TBC1D10C: variants seen among roughly 807,000 people sequenced by gnomAD.
TBC1D10C encodes TBC1 domain family member 10C.
TBC1D10C carries 49 observed loss-of-function variants against 51.0 expected under a neutral mutation model. The ratio of observed to expected loss-of-function variants is 0.96; its 90% CI spans 0.76 to 1.22. The LOEUF (loss-of-function observed/expected upper bound fraction) is 1.22. Ranked by LOEUF, TBC1D10C falls within the 50% of genes most tolerant of loss-of-function variation. TBC1D10C has a pLI of 0.00. For missense variants in TBC1D10C, 541 were observed against 617.5 expected, an observed-to-expected ratio of 0.88 and a Z score of 1.31; for synonymous variants, 281 against 266.7, an observed-to-expected ratio of 1.05 and a Z score of -0.52.
At chr11:67,405,237 C>T (rs1863100004) in intron 2 of TBC1D10C, 53 bp downstream of exon 2, 6 of 1,532,464 alleles carry the variant, frequency 3.9e-6, no homozygotes, top group Non-Finnish European at 5.3e-6. Context: ...CTCTCTGCCT[C>T]AGCCCACATC....
intron 7 of TBC1D10C, 194 bp from the exon 8 acceptor site, chr11:67,408,785 T>C: frequency 1.7e-6 from 1 of 599,868 alleles, no homozygotes; most frequent in Non-Finnish European, 2.6e-6. Flanking sequence ...AAAGCATCTG[T>C]GGCTCTTGAG....
intron 7 of TBC1D10C, chr11:67,407,664 T>A (rs1270005175): frequency 6.6e-6 from 1 of 152,188 alleles, no homozygotes; most frequent in Non-Finnish European, 1.5e-5. Flanking sequence ...GCCAGAGAGG[T>A]GGAGGCTGGG....
rs143823365 is a variant in TBC1D10C, at chr11:67,408,549, C to T, written c.839-430C>T. 64 of 159,882 alleles carry T rather than the reference C, an allele frequency of 4.0e-4. 1 individual carries two copies. In the East Asian group the frequency reaches 7.7e-3, roughly 19 times the overall value. The allele number at this position is 159,882 out of a possible 1,614,324, so 9.9% of individuals were successfully genotyped here. On this transcript the variant is annotated intron_variant, in intron 7 of 8. Coordinates refer to ENST00000542590, the MANE Select transcript of TBC1D10C (RefSeq NM_001369496.1). ...GCCTGGTGGCACATCACCTGTCACC[C>T]GGATGCTGCCTGGGGTAGGAGCTGG...
rs749883666 is a variant in TBC1D10C, at chr11:67,405,492, C to A, written c.346C>A (p.Pro116Thr). 2.5e-6 allele frequency: 4 copies of A among 1,613,362 alleles called. No homozygotes were observed. The South Asian group carries it at 4.4e-5, about 18-fold the overall frequency. Residue 116 changes from proline (P) to threonine (T), a missense_variant, in exon 3 of 9, where the codon CCT becomes ACT. By Grantham distance (38) the Pro-to-Thr change is conservative (BLOSUM62 -1). Transcript: ENST00000542590. ...CGAHVCQKNS[P>T]GTYQELAEAP... ...GGCCCATGTGTGCCAGAAGAACAGCCCTGGCACCTATCAGGTGAGGGAGTG... is the reference window on the plus strand; with the variant it reads ...GGCCCATGTGTGCCAGAAGAACAGCACTGGCACCTATCAGGTGAGGGAGTG...
chr11:67,405,547 C>T lies in TBC1D10C; in HGVS notation c.360+41C>T, dbSNP rs780193349. 8.1e-6 allele frequency: 13 copies of T among 1,613,338 alleles called. No individual in the cohort carries two copies. The South Asian group carries it at 1.4e-4, about 18-fold the overall frequency. On this transcript the variant is annotated intron_variant, in intron 3 of 8. Coordinates refer to ENST00000542590, the MANE Select transcript of TBC1D10C (RefSeq NM_001369496.1). Reference sequence around the variant, plus strand: ...GGGGCCCCAATTCCCCTACCCAGAGCCCCTCACCACACTGAACCCTCACAC... The same window carrying T: ...GGGGCCCCAATTCCCCTACCCAGAGTCCCTCACCACACTGAACCCTCACAC...
chr11:67,406,313 C>A, intron 5 of TBC1D10C: 1 of 513,474 alleles, frequency 1.9e-6, no homozygotes, highest in Non-Finnish European at 3.4e-6. Flanking sequence ...CCCCAAAGAC[C>A]CAGAAACCCA....
chr11:67,405,044 C>G (rs1212517831), intron 1 of TBC1D10C, 41 bp from the exon 2 acceptor site: 1 of 1,529,670 alleles, frequency 6.5e-7, no homozygotes. Context: ...CCTTGGGTAA[C>G]AGCTGCCCAG....
At chr11:67,407,402 T>G in intron 7 of TBC1D10C, 1 of 225,446 alleles carries the variant, frequency 4.4e-6, no homozygotes, top group African/African-American at 2.3e-5. Context: ...GGGGTGGGGA[T>G]GGGTGGCGAC....
At position 67,406,709 on chromosome 11, in the gene TBC1D10C, G is replaced by C. The variant is rs1231377867; in HGVS notation, c.648+17G>C. 2 of 1,576,316 alleles carry C rather than the reference G, an allele frequency of 1.3e-6. No homozygotes were observed. Among genetic ancestry groups the C allele is most frequent in the East Asian group, 4.7e-5 (2 of 42,746 alleles). On this transcript the variant is annotated intron_variant, in intron 6 of 8. Transcript: ENST00000542590. ...CCCCACATGGTGAGAGGCTGACATGGGGGCTGGAGGAAGGAGGGGCAGGGG... is the reference window on the plus strand; with the variant it reads ...CCCCACATGGTGAGAGGCTGACATGCGGGCTGGAGGAAGGAGGGGCAGGGG...
intron 7 of TBC1D10C, chr11:67,407,775 TTC>T (rs1434113347): frequency 6.6e-6 from 1 of 152,364 alleles, no homozygotes; most frequent in Admixed American, 6.5e-5. Flanking sequence ...CCCACCTGCA[TTC>T]TGTTCTATAT....
At chr11:67,408,855 T>C in intron 7 of TBC1D10C, 124 bp from the exon 8 acceptor site, 1 of 1,294,896 alleles carries the variant, frequency 7.7e-7, no homozygotes, top group Non-Finnish European at 1.0e-6. Context: ...CCTCTGTCAT[T>C]GTTCCTGAAC....
At chr11:67,404,765 G>A (rs1317882504) in intron 1 of TBC1D10C, among the ~76,000 whole-genome samples, 1 of 152,098 alleles carries the variant, frequency 6.6e-6, no homozygotes, top group Non-Finnish European at 1.5e-5. Flanking sequence ...CAGGACTCTG[G>A]GCTTCCAGTC....
At chr11:67,407,623 C>G (rs560512366) in intron 7 of TBC1D10C, 1 of 152,842 alleles carries the variant, frequency 6.5e-6, no homozygotes, top group South Asian at 2.1e-4. Flanking sequence ...AGGCTACAGT[C>G]TACGAAGCAG....
intron 5 of TBC1D10C, 63 bp from the exon 6 acceptor site, chr11:67,406,564 C>A: frequency 6.9e-7 from 1 of 1,446,812 alleles, no homozygotes. Flanking sequence ...CCTGTCCTGC[C>A]TTCTCCTCCA....
At chr11:67,406,293 G>A (rs1443567834) in intron 5 of TBC1D10C, 3 of 511,132 alleles carry the variant, frequency 5.9e-6, no homozygotes, top group Non-Finnish European at 1.0e-5. Flanking sequence ...CTTGGGGACT[G>A]CGACCCCAAC....
chr11:67,406,977 C>T lies in TBC1D10C; in HGVS notation c.799C>T (p.Pro267Ser). The T allele has an allele frequency of 6.2e-7, 1 of 1,613,228 alleles. No homozygotes were observed. The highest frequency in any genetic ancestry group is 8.5e-7 in the Non-Finnish European group (1 of 1,179,960). Residue 267 changes from proline (P) to serine (S), a missense_variant, in exon 7 of 9, where the codon CCC (proline) becomes TCC (serine). Coordinates refer to ENST00000542590, the MANE Select transcript of TBC1D10C (RefSeq NM_001369496.1). ...LCLFARSLPF[P>S]TVLRVWDAFL... ...CCTCTTCGCCCGCTCCCTGCCCTTC[C>T]CCACAGTGCTGCGTGTCTGGGATGC...
Position 67,409,096 on chromosome 11 carries a change from C to A in TBC1D10C, c.956C>A (p.Pro319His), listed in dbSNP as rs1863325322. 2 of 1,600,874 alleles carry A rather than the reference C, an allele frequency of 1.2e-6. No homozygotes were observed. The highest frequency in any genetic ancestry group is 1.1e-5 in the South Asian group (1 of 89,580). Residue 319 changes from proline (P) to histidine (H), a missense_variant, in exon 8 of 9, where the codon CCC becomes CAC. Transcript: ENST00000542590. ...LETLGALRAI[P>H]PAQLQEEAFM... ...ACACTGGGAGCCCTTCGAGCCATCC[C>A]CCCCGCGCAGCTGCAGGAGGAGGCC...
chr11:67,409,140 A>G lies in TBC1D10C; in HGVS notation c.993+7A>G, dbSNP rs372368867. 1.9e-6 allele frequency: 3 copies of G among 1,580,488 alleles called. No homozygotes were observed. In the African/African-American group the frequency reaches 4.1e-5, roughly 21 times the overall value. On this transcript the variant is annotated splice_region_variant and intron_variant, in intron 8 of 8. Transcript: ENST00000542590. ...GGAGGCCTTCATGTCACAGGTGGGT[A>G]CCCCCACCTCTCCTTGGACTTGCCC...
chr11:67,404,105 CT>C lies in TBC1D10C; in HGVS notation c.-97del. 1.5e-6 allele frequency: 2 copies of C among 1,378,388 alleles called. No individual in the cohort carries two copies. The highest frequency in any genetic ancestry group is 1.9e-6 in the Non-Finnish European group (2 of 1,061,514). The allele number at this position is 1,378,388 out of a possible 1,614,324, so 85.4% of individuals were successfully genotyped here. A position where few individuals can be genotyped will look rare whatever the true frequency, so the allele number is the denominator to read the frequency against. ...GGTGAGATACCCTGAAACCTCCCCCCTCTGACCCCGCAGCCAGGCCCCAGGC... is the reference window on the plus strand; with the variant it reads ...GGTGAGATACCCTGAAACCTCCCCCCCTGACCCCGCAGCCAGGCCCCAGGC... On this transcript the variant is annotated 5_prime_UTR_variant, in exon 1 of 9. Transcript: ENST00000542590.
Sources: gnomAD v4.1 joint callset for allele counts (sites outside exome capture counted in the v4.1 genomes callset) on GRCh38, gnomAD v4.1.1 for gene constraint, MANE v1.5 for transcripts, NCBI Gene and HGNC (gene_info 2026-07-23, HGNC 2026-07-21) for gene names.